Variants in IMPG1 observed in about 807,000 individuals in gnomAD.
IMPG1 encodes interphotoreceptor matrix proteoglycan of 150 kDa.
Under a neutral mutation model 92.0 loss-of-function variants are expected in IMPG1, and 85 were observed. The observed-to-expected ratio is 0.92, with a 90% CI of 0.78 to 1.11. The LOEUF (loss-of-function observed/expected upper bound fraction) is 1.11. Ranked by LOEUF, IMPG1 falls within the 50% of genes least tolerant of loss-of-function variation. The pLI, the probability that IMPG1 is intolerant of heterozygous loss-of-function variation, is 0.00. For synonymous variants in IMPG1, 367 were observed against 334.1 expected (o/e 1.10, Z -1.08); for missense variants, 1,022 against 956.0 (o/e 1.07, Z -0.91).
chr6:75,981,514 T>A (rs138326752), intron 12 of IMPG1, among the ~76,000 whole-genome samples: 3 of 152,364 alleles, frequency 2.0e-5, no homozygotes, highest in African/African-American at 7.2e-5. Context: ...CATGTTTGAA[T>A]TTCCAGGTGT....
intron 12 of IMPG1, among the ~76,000 whole-genome samples, chr6:75,972,955 T>C (rs1280531128): frequency 1.3e-5 from 2 of 152,152 alleles, no homozygotes. Flanking sequence ...AATCAGTGTT[T>C]AATGGCTTGC....
In IMPG1 at chr6:76,040,303, T is replaced by C. The variant is rs547196721; in HGVS notation, c.301+1590A>G. On this transcript the variant is annotated intron_variant, in intron 2 of 16. Coordinates refer to ENST00000369950, the MANE Select transcript of IMPG1 (RefSeq NM_001563.4). ...GCAGCAATAAATAGGGTATTCCAAATACTTCCAGTGAATCCTATTTGTGAA... is the reference window on the plus strand; with the variant it reads ...GCAGCAATAAATAGGGTATTCCAAACACTTCCAGTGAATCCTATTTGTGAA... Among the ~76,000 whole-genome samples, 28 of 152,350 alleles carry C rather than the reference T, an allele frequency of 1.8e-4. No homozygotes were observed. In the East Asian group the frequency reaches 3.1e-3, roughly 17 times the overall value.
chr6:75,922,916 C>T (rs770254248), intron 16 of IMPG1, among the ~76,000 whole-genome samples: 9 of 151,048 alleles, frequency 6.0e-5, no homozygotes, highest in Non-Finnish European at 1.0e-4. Context: ...TTTTTTTTAT[C>T]CAGCACTGTA....
intron 1 of IMPG1, among the ~76,000 whole-genome samples, chr6:76,070,257 C>T (rs887156237): frequency 1.6e-4 from 24 of 152,062 alleles, no homozygotes; most frequent in Admixed American, 6.6e-5. Context: ...CAGAGGAATG[C>T]AAATTAAAAC....
At chr6:76,053,089 C>T (rs938848373) in intron 1 of IMPG1, among the ~76,000 whole-genome samples, 2 of 152,116 alleles carry the variant, frequency 1.3e-5, no homozygotes, top group Non-Finnish European at 2.9e-5. Flanking sequence ...ACTGAAGTTC[C>T]ACTAACCTTT....
intron 1 of IMPG1, among the ~76,000 whole-genome samples, chr6:76,069,116 C>T (rs1020435639): frequency 6.6e-6 from 1 of 152,034 alleles, no homozygotes; most frequent in Admixed American, 6.6e-5. Flanking sequence ...AAAATATACA[C>T]TGGGGAAAGA....
chr6:76,002,842 T>G, intron 12 of IMPG1, 76 bp downstream of exon 12: 1 of 1,146,172 alleles, frequency 8.7e-7, no homozygotes, highest in Non-Finnish European at 1.3e-6. Flanking sequence ...GTCACTGGTC[T>G]TTGAGGCAGT....
chr6:76,066,790 G>A (rs1055580575), intron 1 of IMPG1, among the ~76,000 whole-genome samples: 54 of 152,054 alleles, frequency 3.6e-4, no homozygotes, highest in South Asian at 1.2e-3. Flanking sequence ...AAGAAAAACC[G>A]TATGTCAGAC....
intron 8 of IMPG1, 114 bp from the exon 9 acceptor site, chr6:76,007,614 TTG>T: frequency 4.4e-6 from 3 of 679,036 alleles, no homozygotes; most frequent in Non-Finnish European, 7.1e-6. Context: ...TTTCTTTCCA[TTG>T]TCTCTTTTGT....
intron 14 of IMPG1, among the ~76,000 whole-genome samples, chr6:75,940,571 G>A (rs982528747): frequency 4.6e-5 from 7 of 152,058 alleles, no homozygotes; most frequent in African/African-American, 1.4e-4. Flanking sequence ...GTTGGAAAAC[G>A]TTTTGAGCTT....
At chr6:75,978,702 T>G (rs934500407) in intron 12 of IMPG1, among the ~76,000 whole-genome samples, 1 of 152,242 alleles carries the variant, frequency 6.6e-6, no homozygotes, top group African/African-American at 2.4e-5. Context: ...TCTACTATTT[T>G]CCATGTACTT....
Position 75,950,775 on chromosome 6 carries a change from G to T in IMPG1, c.1611C>A (p.Ser537Arg). The part of the protein sequence containing the change: ...TPAPSEVPEL[S>R]EYVSVPDHFL... The stretch of plus-strand genomic sequence containing the variant: ...AATGATCTGGGACAGAAACATATTC[G>T]CTGAGCTCTGGTACCTCAGATGGGG... Residue 537 changes from serine (S) to arginine (R), a missense_variant, in exon 13 of 17, where the codon AGC becomes AGA. By Grantham distance (110) the Ser-to-Arg change is moderately radical. Transcript: ENST00000369950. 1 of 1,613,858 alleles carries T rather than the reference G, an allele frequency of 6.2e-7. No individual in the cohort carries two copies. Among genetic ancestry groups the T allele is most frequent in the Middle Eastern group, 1.7e-4 (1 of 6,056 alleles).
chr6:75,988,515 G>C (rs1196778616), intron 12 of IMPG1, among the ~76,000 whole-genome samples: 1 of 152,166 alleles, frequency 6.6e-6, no homozygotes, highest in Non-Finnish European at 1.5e-5. Context: ...GTAGATTCTA[G>C]ATATTAGCCC....
intron 12 of IMPG1, among the ~76,000 whole-genome samples, chr6:75,968,989 A>C (rs1782357292): frequency 6.6e-6 from 1 of 152,230 alleles, no homozygotes; most frequent in Admixed American, 6.5e-5. Flanking sequence ...GAATGCTTAA[A>C]AAAGAAGAAA....
At chr6:76,004,243 A>G (rs1783050811) in intron 10 of IMPG1, among the ~76,000 whole-genome samples, 1 of 152,182 alleles carries the variant, frequency 6.6e-6, no homozygotes, top group Admixed American at 6.5e-5. Flanking sequence ...CTGGCTAATT[A>G]TCTAAACCAT....
At chr6:75,980,145 C>T (rs1252675522) in intron 12 of IMPG1, among the ~76,000 whole-genome samples, 14 of 151,920 alleles carry the variant, frequency 9.2e-5, no homozygotes, top group Admixed American at 9.2e-4. Context: ...AGATGTGCCA[C>T]AAAATGTGAA....
At chr6:76,019,234 C>T (rs1005714434) in intron 6 of IMPG1, among the ~76,000 whole-genome samples, 4 of 152,138 alleles carry the variant, frequency 2.6e-5, no homozygotes, top group Non-Finnish European at 4.4e-5. Context: ...GCCTGTTGGT[C>T]TGGAAACCAG....
chr6:75,954,090 T>C (rs953367614), intron 12 of IMPG1, among the ~76,000 whole-genome samples: 2 of 152,234 alleles, frequency 1.3e-5, no homozygotes, highest in Admixed American at 6.5e-5. Context: ...CACATGTCTT[T>C]ATAGTAGAAT....
intron 6 of IMPG1, among the ~76,000 whole-genome samples, chr6:76,020,767 G>T (rs533696620): frequency 6.6e-6 from 1 of 152,218 alleles, no homozygotes; most frequent in South Asian, 2.1e-4. Flanking sequence ...GGGGTTTGGG[G>T]AGTCATGCCC....
Sources: allele counts gnomAD v4.1 joint callset (sites outside exome capture counted in the v4.1 genomes callset), GRCh38; gene constraint gnomAD v4.1.1; transcripts MANE v1.5; gene names NCBI Gene and HGNC (gene_info 2026-07-23, HGNC 2026-07-21).